MUC12: variants seen among roughly 807,000 people sequenced by gnomAD.
MUC12 encodes mucin 12, cell surface associated.
Under a neutral mutation model 230.8 loss-of-function variants are expected in MUC12, and 172 were observed. That is an observed-to-expected ratio of 0.75 (90% CI 0.66 to 0.85). MUC12 has a LOEUF of 0.85. Ranked by LOEUF, MUC12 falls within the 40% of genes least tolerant of loss-of-function variation. MUC12 has a pLI of 0.00. For synonymous variants in MUC12, 1,259 were observed against 2,401.9 expected (o/e 0.52, Z 13.91); for missense variants, 3,506 against 5,920.6 (o/e 0.59, Z 13.38).
At position 100,971,981 on chromosome 7, in the gene MUC12, G is replaced by A. The variant is rs1232203512; in HGVS notation, c.67+2292G>A. On this transcript the variant is annotated intron_variant, in intron 1 of 11. Coordinates refer to ENST00000536621, the MANE Select transcript of MUC12 (RefSeq NM_001164462.2). ...AGATAACACAGGTGAATCCCTTAGT[G>A]TGCAAAACAGTCAGAAAAACATCTA... is the stretch of plus-strand genomic sequence containing the variant. 8 of 690,210 alleles carry A rather than the reference G, an allele frequency of 1.2e-5. No homozygotes were observed. The East Asian group carries it at 1.3e-4, about 12-fold the overall frequency. 42.8% of individuals were successfully genotyped at this position (690,210 alleles called of 1,614,324 possible).
chr7:100,976,848 C>A (rs1368110877), intron 1 of MUC12, among the ~76,000 whole-genome samples: 2 of 151,670 alleles, frequency 1.3e-5, no homozygotes, highest in African/African-American at 4.8e-5. Flanking sequence ...ATCGGGAGTT[C>A]GAGACCAGCC....
intron 9 of MUC12, chr7:101,015,245 C>T (rs1323703429): frequency 1.2e-5 from 3 of 241,646 alleles, no homozygotes; most frequent in Non-Finnish European, 2.4e-5. Flanking sequence ...TGAGATGGAG[C>T]GTCTGGGTCT....
chr7:101,017,184 G>A (rs375124868), intron 10 of MUC12: 1 of 170,848 alleles, frequency 5.9e-6, no homozygotes, highest in Non-Finnish European at 1.2e-5. Flanking sequence ...GAAGATTCCA[G>A]ACGCAGCTTT....
chr7:101,013,991 C>T lies in MUC12; in HGVS notation c.15717C>T (p.Ile5239=), dbSNP rs187277419. 6.0e-4 allele frequency: 922 copies of T among 1,536,048 alleles called. 1 individual carries two copies. The highest frequency in any genetic ancestry group is 1.2e-3 in the Middle Eastern group (7 of 5,984). Residue 5239 remains isoleucine, a synonymous_variant, in exon 9 of 12, where the codon ATC becomes ATT. Coordinates refer to ENST00000536621, the MANE Select transcript of MUC12 (RefSeq NM_001164462.2). ...FNIAKSLVYG[I]VGAVMAVLLL... is the part of the protein sequence containing the mutation. ...TCGCCAAGAGCCTCGTGTATGGGAT[C>T]GTGGGGGCTGTGATGGCGGTGCTGC...
rs780308296 is a variant in MUC12 at position 101,002,901 on chromosome 7, C to T, written c.12338C>T (p.Ser4113Leu). The T allele has an allele frequency of 3.3e-6, 4 of 1,215,318 alleles. No individual in the cohort carries two copies. The highest frequency in any genetic ancestry group is 4.5e-6 in the Non-Finnish European group (4 of 880,558). The allele number at this position is 1,215,318 out of a possible 1,614,324, so 75.3% of individuals were successfully genotyped here. A position where few individuals can be genotyped will look rare whatever the true frequency, so the allele number is the denominator to read the frequency against. Residue 4113 changes from serine (S) to leucine (L), a missense_variant, in exon 2 of 12, where the codon TCA becomes TTA. Ser to Leu is a moderately radical substitution (Grantham distance 145). Coordinates refer to ENST00000536621, the MANE Select transcript of MUC12 (RefSeq NM_001164462.2). ...ACAACCTACCACAGCCGCCCGAGCTCAACTCCAACAACACACTTTTCTGCC... is the reference window on the plus strand; with the variant it reads ...ACAACCTACCACAGCCGCCCGAGCTTAACTCCAACAACACACTTTTCTGCC... Reference protein sequence around the residue: ...VSTTYHSRPSSTPTTHFSASS... With the variant: ...VSTTYHSRPSLTPTTHFSASS...
Position 100,991,061 on chromosome 7 carries a change from C to A in MUC12, c.498C>A (p.Thr166=), listed in dbSNP as rs954068621. The part of the protein sequence containing the change: ...TTSSGVSEKS[T]TSHSRPGPTH... ...GCTCAGGCGTCAGTGAAAAATCAAC[C>A]ACCTCCCACAGCCGACCAGGCCCAA... Residue 166 remains threonine, a synonymous_variant, in exon 2 of 12, where the codon ACC becomes ACA. Transcript: ENST00000536621. 6 of 1,537,548 alleles carry A rather than the reference C, an allele frequency of 3.9e-6. No homozygotes were observed. The highest frequency in any genetic ancestry group is 1.2e-5 in the South Asian group (1 of 84,038).
Position 100,990,896 on chromosome 7 carries a change from C to G in MUC12, c.333C>G (p.Thr111=), listed in dbSNP as rs778982475. The G allele has an allele frequency of 1.1e-5, 17 of 1,537,646 alleles. No homozygotes were observed. Among genetic ancestry groups the G allele is most frequent in the East Asian group, 2.4e-5 (1 of 40,928 alleles). The change falls in exon 2 of 12, where the codon ACC becomes ACG. Residue 111 remains threonine (T), a synonymous_variant. Coordinates refer to ENST00000536621, the MANE Select transcript of MUC12 (RefSeq NM_001164462.2). The part of the protein sequence containing the change: ...ATSVFVGEPK[T]SPITSASMET... ...CAGTTTTTGTTGGAGAACCTAAAACCTCACCCATCACTTCAGCCTCAATGG... is the reference window on the plus strand; with the variant it reads ...CAGTTTTTGTTGGAGAACCTAAAACGTCACCCATCACTTCAGCCTCAATGG...
At chr7:101,017,112 G>T (rs919585425) in intron 10 of MUC12, among the ~76,000 whole-genome samples, 2 of 151,930 alleles carry the variant, frequency 1.3e-5, no homozygotes, top group African/African-American at 4.8e-5. Context: ...GGAGTCCAGA[G>T]AGTGAGTGGT....
rs989135173 is a variant in MUC12, at chr7:100,990,730, T to G, written c.167T>G (p.Val56Gly). ...ACCTTTAGTGACTATGGGGTGTCAGTCACATTTATCACGGGCTCAACTGCA... is the reference window on the plus strand; with the variant it reads ...ACCTTTAGTGACTATGGGGTGTCAGGCACATTTATCACGGGCTCAACTGCA... ...FTTFSDYGVS[V>G]TFITGSTATK... The change falls in exon 2 of 12, where the codon GTC becomes GGC. Residue 56 changes from valine (V) to glycine (G), a missense_variant. Transcript: ENST00000536621. 1 of 1,537,712 alleles carries G rather than the reference T, an allele frequency of 6.5e-7. No individual in the cohort carries two copies. Among genetic ancestry groups the G allele is most frequent in the African/African-American group, 1.4e-5 (1 of 73,006 alleles).
rs1793732195 is a variant in MUC12, at chr7:101,005,467, A to G, written c.14904A>G (p.Pro4968=). ...AATCTACCACCTTCCACACCAGTCC[A>G]AGCTTCACTTCTACAATTGTGTCTA... The part of the protein sequence containing the change: ...TEESTTFHTS[P]SFTSTIVSTE... Residue 4968 remains proline (P), a synonymous_variant, in exon 2 of 12, where the codon CCA becomes CCG. Coordinates refer to ENST00000536621, the MANE Select transcript of MUC12 (RefSeq NM_001164462.2). The G allele has an allele frequency of 6.5e-7, 1 of 1,537,812 alleles. No individual in the cohort carries two copies. Among genetic ancestry groups the G allele is most frequent in the African/African-American group, 1.4e-5 (1 of 73,168 alleles).
In MUC12 at chr7:100,995,972, C is replaced by T; in HGVS notation, c.5409C>T (p.Ser1803=). 2 of 842,414 alleles carry T rather than the reference C, an allele frequency of 2.4e-6. No homozygotes were observed. Among genetic ancestry groups the T allele is most frequent in the Non-Finnish European group, 3.5e-6 (2 of 578,352 alleles). The allele number at this position is 842,414 out of a possible 1,614,324, so 52.2% of individuals were successfully genotyped here. A position where few individuals can be genotyped will look rare whatever the true frequency, so the allele number is the denominator to read the frequency against. The change falls in exon 2 of 12, where the codon AGC becomes AGT. Residue 1803 remains serine, a synonymous_variant. Transcript: ENST00000536621. ...RSEESRTSHS[S]TTHTISSPPS... is the part of the protein sequence containing the mutation. ...AAGAATCAAGAACTTCCCACAGCAG[C>T]ACAACACACACAATATCTTCACCTC...
At chr7:101,005,586 C>T (rs6964773) in intron 2 of MUC12, 67 bp downstream of exon 2, 62,102 of 1,437,338 alleles carry the variant, frequency 0.043, 1,564 homozygotes, top group Non-Finnish European at 0.05. Flanking sequence ...TCTTCTTCAT[C>T]CATTACAACC....
At chr7:100,980,528 T>C (rs1314839146) in intron 1 of MUC12, among the ~76,000 whole-genome samples, 1 of 152,256 alleles carries the variant, frequency 6.6e-6, no homozygotes, top group Non-Finnish European at 1.5e-5. Context: ...CCTCTGTTTT[T>C]TACTATAATA....
In MUC12 at chr7:100,991,283, C is replaced by T; in HGVS notation, c.720C>T (p.Thr240=). 1.3e-6 allele frequency: 2 copies of T among 1,537,692 alleles called. No individual in the cohort carries two copies. The highest frequency in any genetic ancestry group is 1.7e-6 in the Non-Finnish European group (2 of 1,147,020). The change falls in exon 2 of 12, where the codon ACC becomes ACT. Residue 240 remains threonine, a synonymous_variant. Transcript: ENST00000536621. ...YTKTTRLPDN[T]TTSGLLEAST... ...AAACAACACGCTTACCTGACAACAC[C>T]ACAACCTCAGGCCTCCTTGAAGCAT... is the stretch of plus-strand genomic sequence containing the variant.
In MUC12 at chr7:101,004,563, C is replaced by A; in HGVS notation, c.14000C>A (p.Thr4667Lys). Residue 4667 changes from threonine to lysine, a missense_variant, in exon 2 of 12, where the codon ACA (threonine) becomes AAA (lysine). Physicochemically the swap from Thr to Lys is moderately conservative, Grantham distance 78. Transcript: ENST00000536621. ...CACAGCAGCCCGGGCTCAATTGCAA[C>A]AACACACTTTCCTGAGAGCTCCACA... ...SYHSSPGSIA[T>K]THFPESSTTS... The A allele has an allele frequency of 6.5e-7, 1 of 1,537,502 alleles. No homozygotes were observed. Among genetic ancestry groups the A allele is most frequent in the Non-Finnish European group, 8.7e-7 (1 of 1,146,856 alleles).
chr7:100,993,542 C>T lies in MUC12; in HGVS notation c.2979C>T (p.Ala993=), dbSNP rs1284929011. Residue 993 remains alanine, a synonymous_variant, in exon 2 of 12, where the codon GCC becomes GCT. Coordinates refer to ENST00000536621, the MANE Select transcript of MUC12 (RefSeq NM_001164462.2). ...TSPGLQGEST[A]FQTHPASTHT... ...CTGGACTTCAGGGAGAATCTACTGC[C>T]TTCCAGACCCACCCAGCCTCAACTC... 1 of 1,006,128 alleles carries T rather than the reference C, an allele frequency of 9.9e-7. No homozygotes were observed. The highest frequency in any genetic ancestry group is 2.8e-4 in the Middle Eastern group (1 of 3,566). 62.3% of individuals were successfully genotyped at this position (1,006,128 alleles called of 1,614,324 possible).
Position 100,995,495 on chromosome 7 carries a change from A to C in MUC12, c.4932A>C (p.Thr1644=), listed in dbSNP as rs1306465444. Residue 1644 remains threonine, a synonymous_variant, in exon 2 of 12, where the codon ACA becomes ACC. Coordinates refer to ENST00000536621, the MANE Select transcript of MUC12 (RefSeq NM_001164462.2). ...ACAGCAGCCCAGGCTCCACTGAAAC[A>C]ACACTCTTACCTGACAACACCACAG... ...TFHSSPGSTE[T]TLLPDNTTAS... is the part of the protein sequence containing the mutation. The C allele has an allele frequency of 6.5e-7, 1 of 1,534,688 alleles. No individual in the cohort carries two copies. Among genetic ancestry groups the C allele is most frequent in the African/African-American group, 1.4e-5 (1 of 71,040 alleles).
chr7:100,987,492 G>T (rs1793209409), intron 1 of MUC12, among the ~76,000 whole-genome samples: 1 of 152,210 alleles, frequency 6.6e-6, no homozygotes, highest in Non-Finnish European at 1.5e-5. Flanking sequence ...GTTCCAAGAA[G>T]GGTGATGCTA....
chr7:100,990,702 A>G lies in MUC12; in HGVS notation c.139A>G (p.Thr47Ala). 6.5e-7 allele frequency: 1 copy of G among 1,537,880 alleles called. No individual in the cohort carries two copies. The highest frequency in any genetic ancestry group is 2.4e-5 in the East Asian group (1 of 40,924). Residue 47 changes from threonine to alanine, a missense_variant, in exon 2 of 12, where the codon ACC becomes GCC. By Grantham distance (58) the Thr-to-Ala change is moderately conservative. Coordinates refer to ENST00000536621, the MANE Select transcript of MUC12 (RefSeq NM_001164462.2). ...ASTPSSSDPFTTFSDYGVSVT... is the reference protein window; with the variant it reads ...ASTPSSSDPFATFSDYGVSVT... The stretch of plus-strand genomic sequence containing the variant: ...CACACCCAGTTCAAGCGACCCTTTT[A>G]CCACCTTTAGTGACTATGGGGTGTC...
Sources: gnomAD v4.1 joint callset for allele counts (sites outside exome capture counted in the v4.1 genomes callset) on GRCh38, gnomAD v4.1.1 for gene constraint, MANE v1.5 for transcripts, NCBI Gene and HGNC (gene_info 2026-07-23, HGNC 2026-07-21) for gene names.